The following CPQ variants were observed in gnomAD, a reference collection of about 807,000 sequenced individuals.
CPQ encodes Ser-Met dipeptidase.
In CPQ, 37 loss-of-function variants were observed where a neutral mutation model predicts 45.7. The observed-to-expected ratio is 0.81, with a 90% CI of 0.62 to 1.07. The LOEUF is 1.07. Among genes scored for constraint, CPQ ranks in the 50% least tolerant of loss-of-function variants. The pLI is 0.00. For synonymous variants in CPQ, 186 were observed against 205.8 expected, an observed-to-expected ratio of 0.90 and a Z score of 0.82; for missense variants, 537 against 572.9, an observed-to-expected ratio of 0.94 and a Z score of 0.64.
At chr8:97,130,716 C>T (rs1811939895) in intron 7 of CPQ, among the ~76,000 whole-genome samples, 1 of 152,076 alleles carries the variant, frequency 6.6e-6, no homozygotes, top group African/African-American at 2.4e-5. Context: ...GTGGATATTC[C>T]TTGAACCAAC....
intron 5 of CPQ, among the ~76,000 whole-genome samples, chr8:96,967,544 A>T (rs1586471679): frequency 6.6e-6 from 1 of 152,188 alleles, no homozygotes; most frequent in African/African-American, 2.4e-5. Context: ...TGCATGGACA[A>T]ATGTTAAATA....
At chr8:96,857,120 G>T (rs1811862102) in intron 3 of CPQ, among the ~76,000 whole-genome samples, 1 of 152,200 alleles carries the variant, frequency 6.6e-6, no homozygotes, top group South Asian at 2.1e-4. Context: ...GCCTGGCTCT[G>T]ATTGCTAATA....
At chr8:96,729,459 A>G (rs1002103112) in intron 1 of CPQ, among the ~76,000 whole-genome samples, 2 of 152,188 alleles carry the variant, frequency 1.3e-5, no homozygotes, top group Non-Finnish European at 2.9e-5. Context: ...TATAAGAAGG[A>G]CAGTATTTTC....
At chr8:96,986,868 C>A (rs1808992712) in intron 5 of CPQ, among the ~76,000 whole-genome samples, 1 of 152,052 alleles carries the variant, frequency 6.6e-6, no homozygotes, top group Non-Finnish European at 1.5e-5. Context: ...GAGAAAAAGG[C>A]ATTAAGTGAG....
chr8:96,695,989 C>G (rs1809375094), intron 1 of CPQ, among the ~76,000 whole-genome samples: 1 of 149,924 alleles, frequency 6.7e-6, no homozygotes, highest in African/African-American at 2.5e-5. Flanking sequence ...GACACATGCA[C>G]ACGTATGTTT....
chr8:96,854,616 A>C (rs1246443181), intron 3 of CPQ, among the ~76,000 whole-genome samples: 1 of 149,970 alleles, frequency 6.7e-6, no homozygotes, highest in Non-Finnish European at 1.5e-5. Context: ...GCTATGTTAT[A>C]TTCATCCAAT....
intron 5 of CPQ, among the ~76,000 whole-genome samples, chr8:97,011,781 T>C (rs11984922): frequency 0.11 from 17,128 of 152,200 alleles, 2,256 homozygotes; most frequent in African/African-American, 0.32. Context: ...TGGCACAGCA[T>C]AGAGTGCCCA....
chr8:96,914,219 C>T (rs1812703478), intron 4 of CPQ, among the ~76,000 whole-genome samples: 1 of 152,126 alleles, frequency 6.6e-6, no homozygotes, highest in Admixed American at 6.6e-5. Flanking sequence ...TAAAAGGAGA[C>T]AGCAACCCAA....
chr8:96,826,097 C>T (rs1397779776), intron 2 of CPQ, among the ~76,000 whole-genome samples: 1 of 151,950 alleles, frequency 6.6e-6, no homozygotes, highest in Non-Finnish European at 1.5e-5. Context: ...CCAAAGCTGC[C>T]AATACTGTAT....
chr8:96,914,695 A>G (rs1044427206), intron 4 of CPQ, among the ~76,000 whole-genome samples: 1 of 152,128 alleles, frequency 6.6e-6, no homozygotes, highest in Non-Finnish European at 1.5e-5. Context: ...TCGGAATTCC[A>G]CTAGGCTAAT....
At chr8:96,782,066 G>A (rs891375116) in intron 1 of CPQ, among the ~76,000 whole-genome samples, 1 of 152,120 alleles carries the variant, frequency 6.6e-6, no homozygotes, top group African/African-American at 2.4e-5. Flanking sequence ...AGCTCTCCTG[G>A]GCTGGCTTTG....
At chr8:96,965,602 C>T (rs2130362001) in intron 4 of CPQ, among the ~76,000 whole-genome samples, 1 of 152,180 alleles carries the variant, frequency 6.6e-6, no homozygotes, top group East Asian at 1.9e-4. Flanking sequence ...ATCTCCTGAC[C>T]TCGTGATCCA....
chr8:96,967,466 C>A (rs973413234), intron 5 of CPQ, among the ~76,000 whole-genome samples: 2 of 152,112 alleles, frequency 1.3e-5, no homozygotes, highest in East Asian at 3.8e-4. Flanking sequence ...CTTCTTTAAG[C>A]TTTGAATCTT....
chr8:96,935,119 G>A (rs1325747898), intron 4 of CPQ, among the ~76,000 whole-genome samples: 2 of 152,180 alleles, frequency 1.3e-5, no homozygotes, highest in African/African-American at 4.8e-5. Flanking sequence ...GATGTCAGGT[G>A]TTTGCCTCTC....
intron 2 of CPQ, among the ~76,000 whole-genome samples, chr8:96,806,447 C>A (rs1811081337): frequency 6.6e-6 from 1 of 152,032 alleles, no homozygotes; most frequent in African/African-American, 2.4e-5. Flanking sequence ...TCCCACAGTA[C>A]TAAGACAGAC....
At chr8:96,731,071 C>T (rs2130770498) in intron 1 of CPQ, among the ~76,000 whole-genome samples, 1 of 151,882 alleles carries the variant, frequency 6.6e-6, no homozygotes. Context: ...TCTCATCTTC[C>T]TACAGCAGTG....
intron 3 of CPQ, among the ~76,000 whole-genome samples, chr8:96,864,247 G>A (rs1056499684): frequency 2.0e-5 from 3 of 152,016 alleles, no homozygotes; most frequent in African/African-American, 7.2e-5. Flanking sequence ...TAGGCACCTA[G>A]TATGTTTAGC....
At chr8:97,050,788 A>G (rs1168740935) in intron 6 of CPQ, among the ~76,000 whole-genome samples, 1 of 152,180 alleles carries the variant, frequency 6.6e-6, no homozygotes. Context: ...CATAATCATT[A>G]ATAGAATCCC....
intron 1 of CPQ, among the ~76,000 whole-genome samples, chr8:96,749,993 C>T (rs954102224): frequency 2.5e-4 from 38 of 151,814 alleles, no homozygotes; most frequent in African/African-American, 9.0e-4. Context: ...GGTAATATCA[C>T]ACAGGCATTC....
Sources: allele counts gnomAD v4.1 joint callset (sites outside exome capture counted in the v4.1 genomes callset), GRCh38; gene constraint gnomAD v4.1.1; transcripts MANE v1.5; gene names NCBI Gene and HGNC (gene_info 2026-07-23, HGNC 2026-07-21).